KCNQ5: variants seen among roughly 807,000 people sequenced by gnomAD.
The protein encoded by KCNQ5 is potassium voltage-gated channel subfamily Q member 5.
A neutral mutation model predicts 98.2 loss-of-function variants in KCNQ5; 30 were observed. The ratio of observed to expected loss-of-function variants is 0.31; its 90% CI spans 0.23 to 0.41. The LOEUF is 0.41. KCNQ5 is among the 10% of genes least tolerant of loss of function. The pLI, the probability that KCNQ5 is intolerant of heterozygous loss-of-function variation, is 1.00. For missense variants in KCNQ5, 835 were observed against 1,182.5 expected, an observed-to-expected ratio of 0.71 and a Z score of 4.31; for synonymous variants, 458 against 449.4, an observed-to-expected ratio of 1.02 and a Z score of -0.24.
At chr6:72,783,922 A>T (rs996796982) in intron 1 of KCNQ5, among the ~76,000 whole-genome samples, 1 of 152,144 alleles carries the variant, frequency 6.6e-6, no homozygotes, top group African/African-American at 2.4e-5. Context: ...TTTTGCTGAG[A>T]TGACAAGGCT....
chr6:72,936,454 T>C, intron 1 of KCNQ5, among the ~76,000 whole-genome samples: 1 of 152,276 alleles, frequency 6.6e-6, no homozygotes, highest in East Asian at 1.9e-4. Context: ...ATATTTATTA[T>C]AAAATTAATT....
At chr6:72,802,337 T>G (rs1317740642) in intron 1 of KCNQ5, among the ~76,000 whole-genome samples, 1 of 152,182 alleles carries the variant, frequency 6.6e-6, no homozygotes, top group Non-Finnish European at 1.5e-5. Context: ...TTTTTATTCT[T>G]TTTTCTCTAA....
At chr6:73,021,127 A>G (rs550626199) in intron 2 of KCNQ5, among the ~76,000 whole-genome samples, 27 of 152,274 alleles carry the variant, frequency 1.8e-4, no homozygotes, top group African/African-American at 6.3e-4. Context: ...CTGACTCTCC[A>G]GGAGTTGTTA....
chr6:72,757,323 T>C lies in KCNQ5; in HGVS notation c.398+134736T>C, dbSNP rs147832620. ...TATTCATATAACATTGCCTAATCAGTGTATATCTAAGGCATCTTTAAAGGA... is the reference window on the plus strand; with the variant it reads ...TATTCATATAACATTGCCTAATCAGCGTATATCTAAGGCATCTTTAAAGGA... On this transcript the variant is annotated intron_variant, in intron 1 of 13. Coordinates refer to ENST00000370398, the MANE Select transcript of KCNQ5 (RefSeq NM_019842.4). 5.3e-5 allele frequency among the ~76,000 whole-genome samples: 8 copies of C among 152,260 alleles called. No homozygotes were observed. The East Asian group carries it at 1.2e-3, about 22-fold the overall frequency.
chr6:72,734,344 C>G (rs12175517), intron 1 of KCNQ5, among the ~76,000 whole-genome samples: 1 of 149,256 alleles, frequency 6.7e-6, no homozygotes, highest in East Asian at 1.9e-4. Flanking sequence ...TTGTTTGAGA[C>G]GGAGTCTTGC....
chr6:73,087,505 AG>A (rs1774035627), intron 5 of KCNQ5, among the ~76,000 whole-genome samples: 1 of 152,224 alleles, frequency 6.6e-6, no homozygotes, highest in Non-Finnish European at 1.5e-5. Context: ...TTGGGAACTC[AG>A]AAAAGTGGTC....
At chr6:73,014,875 C>T (rs138704488) in intron 2 of KCNQ5, among the ~76,000 whole-genome samples, 1 of 152,116 alleles carries the variant, frequency 6.6e-6, no homozygotes, top group Admixed American at 6.6e-5. Flanking sequence ...GAATTAGAGA[C>T]ATCATTGCCA....
intron 3 of KCNQ5, among the ~76,000 whole-genome samples, chr6:73,075,080 T>C (rs1017469705): frequency 1.3e-5 from 2 of 152,224 alleles, no homozygotes; most frequent in Admixed American, 1.3e-4. Flanking sequence ...AAAGTTTTTT[T>C]AATTGCAAAG....
chr6:72,644,921 G>T (rs1281965452), intron 1 of KCNQ5, among the ~76,000 whole-genome samples: 1 of 152,126 alleles, frequency 6.6e-6, no homozygotes, highest in Non-Finnish European at 1.5e-5. Context: ...GGAAAAGTTG[G>T]TCTACATAAT....
At chr6:72,730,427 T>G (rs1394797795) in intron 1 of KCNQ5, among the ~76,000 whole-genome samples, 1 of 152,130 alleles carries the variant, frequency 6.6e-6, no homozygotes, top group Non-Finnish European at 1.5e-5. Context: ...AATTCTCCTG[T>G]ACATTTATTC....
intron 3 of KCNQ5, among the ~76,000 whole-genome samples, chr6:73,047,459 A>C (rs1772020660): frequency 6.6e-6 from 1 of 152,220 alleles, no homozygotes; most frequent in Non-Finnish European, 1.5e-5. Context: ...ACTACCTTCA[A>C]ATGTTTTTTA....
chr6:72,643,242 A>T (rs1240872624), intron 1 of KCNQ5, among the ~76,000 whole-genome samples: 1 of 152,156 alleles, frequency 6.6e-6, no homozygotes, highest in African/African-American at 2.4e-5. Context: ...AAACCTGCAC[A>T]TGTACCCCTG....
rs1447882387 is a variant in KCNQ5, at chr6:73,196,952, T to A, written c.*1538T>A. On this transcript the variant is annotated 3_prime_UTR_variant, in exon 14 of 14. Transcript: ENST00000370398. ...ATTCAAAAAAAAAGGACATAAGAGATAGCATTTCAATTCAATTAAACCCTA... is the reference window on the plus strand; with the variant it reads ...ATTCAAAAAAAAAGGACATAAGAGAAAGCATTTCAATTCAATTAAACCCTA... 6.6e-6 allele frequency: 1 copy of A among 152,098 alleles called. No homozygotes were observed. The highest frequency in any genetic ancestry group is 2.4e-5 in the African/African-American group (1 of 41,392). The allele number at this position is 152,098 out of a possible 1,614,324, so 9.4% of individuals were successfully genotyped here.
At chr6:72,959,572 T>A (rs1767239791) in intron 1 of KCNQ5, among the ~76,000 whole-genome samples, 2 of 152,216 alleles carry the variant, frequency 1.3e-5, no homozygotes, top group African/African-American at 4.8e-5. Flanking sequence ...ACAGCATATC[T>A]GAGTTGAAAG....
In KCNQ5 at chr6:73,197,641, A is replaced by ACACC. The variant is rs1765846034; in HGVS notation, c.*2228_*2229insACCC. On this transcript the variant is annotated 3_prime_UTR_variant, in exon 14 of 14. Transcript: ENST00000370398. ...CACACACACACACACACACACACAC[A>ACACC]CCCCTCCACTGACCTAAAGCCAGAC... 1.9e-5 allele frequency: 2 copies of ACACC among 103,770 alleles called. No individual in the cohort carries two copies. Among genetic ancestry groups the ACACC allele is most frequent in the Non-Finnish European group, 4.2e-5 (2 of 47,066 alleles). The allele number at this position is 103,770 out of a possible 1,614,324, so 6.4% of individuals were successfully genotyped here. A position where few individuals can be genotyped will look rare whatever the true frequency, so the allele number is the denominator to read the frequency against.
chr6:72,735,440 T>C (rs961874851), intron 1 of KCNQ5, among the ~76,000 whole-genome samples: 1 of 152,186 alleles, frequency 6.6e-6, no homozygotes, highest in African/African-American at 2.4e-5. Flanking sequence ...CAGCTTCCAA[T>C]GTTTCTCTTA....
At chr6:73,137,401 G>A (rs1387920391) in intron 10 of KCNQ5, among the ~76,000 whole-genome samples, 1 of 152,050 alleles carries the variant, frequency 6.6e-6, no homozygotes, top group Admixed American at 6.5e-5. Context: ...GGACTGATGT[G>A]GTGTTATCAT....
chr6:72,662,377 CT>C (rs1434328957), intron 1 of KCNQ5, among the ~76,000 whole-genome samples: 1 of 152,012 alleles, frequency 6.6e-6, no homozygotes, highest in Non-Finnish European at 1.5e-5. Context: ...TGGCTTGTTT[CT>C]TTTTAATTCT....
rs117466672 is a variant in KCNQ5 at position 72,898,557 on chromosome 6, T to C, written c.399-105351T>C. Among the ~76,000 whole-genome samples, 863 of 152,336 alleles carry C rather than the reference T, an allele frequency of 5.7e-3. 11 individuals carry two copies. Among genetic ancestry groups the C allele is most frequent in the East Asian group, 0.021 (107 of 5,188 alleles). On this transcript the variant is annotated intron_variant, in intron 1 of 13. Coordinates refer to ENST00000370398, the MANE Select transcript of KCNQ5 (RefSeq NM_019842.4). ...TCCATGGTATATGTGTACCACATTTTTTTGTCCAGTCTATAATTGATGAAC... is the reference window on the plus strand; with the variant it reads ...TCCATGGTATATGTGTACCACATTTCTTTGTCCAGTCTATAATTGATGAAC...
Sources: gnomAD v4.1 joint callset for allele counts (sites outside exome capture counted in the v4.1 genomes callset) on GRCh38, gnomAD v4.1.1 for gene constraint, MANE v1.5 for transcripts, NCBI Gene and HGNC (gene_info 2026-07-23, HGNC 2026-07-21) for gene names.